CACNA1D: variants seen among roughly 807,000 people sequenced by gnomAD.
The protein encoded by CACNA1D is voltage-dependent L-type calcium channel subunit alpha-1D.
A neutral mutation model predicts 257.1 loss-of-function variants in CACNA1D; 55 were observed. The ratio of observed to expected loss-of-function variants is 0.21; its 90% CI spans 0.17 to 0.27. CACNA1D has a LOEUF of 0.27. CACNA1D is among the 10% of genes least tolerant of loss of function. CACNA1D has a pLI of 1.00. For missense variants in CACNA1D, 1,876 were observed against 2,784.0 expected (o/e 0.67, Z 7.34); for synonymous variants, 980 against 1,014.9 (o/e 0.97, Z 0.65).
intron 3 of CACNA1D, among the ~76,000 whole-genome samples, chr3:53,526,963 A>G (rs576032715): frequency 4.6e-5 from 7 of 152,338 alleles, no homozygotes; most frequent in African/African-American, 1.4e-4. Context: ...TCTTTCCTCC[A>G]CTGCCCACCC....
At chr3:53,703,105 G>T (rs750119585) in intron 9 of CACNA1D, among the ~76,000 whole-genome samples, 2 of 152,218 alleles carry the variant, frequency 1.3e-5, no homozygotes, top group African/African-American at 4.8e-5. Flanking sequence ...TTTCTGTGCG[G>T]GCACAGGGGT....
intron 8 of CACNA1D, among the ~76,000 whole-genome samples, chr3:53,684,081 A>G (rs2094454321): frequency 6.6e-6 from 1 of 151,768 alleles, no homozygotes. Context: ...AAGAATATGC[A>G]TTTACTTGTT....
At chr3:53,614,997 A>G (rs2093621685) in intron 3 of CACNA1D, among the ~76,000 whole-genome samples, 1 of 152,248 alleles carries the variant, frequency 6.6e-6, no homozygotes, top group Non-Finnish European at 1.5e-5. Context: ...TCAAAATGGG[A>G]AGGAGAGAGA....
At chr3:53,803,990 G>C (rs1404812281) in intron 44 of CACNA1D, among the ~76,000 whole-genome samples, 3 of 152,162 alleles carry the variant, frequency 2.0e-5, no homozygotes, top group African/African-American at 7.2e-5. Flanking sequence ...CTCATGCACA[G>C]CACCTGCCTC....
In CACNA1D at chr3:53,810,194, G is replaced by A. The variant is rs770332315; in HGVS notation, c.6088G>A (p.Asp2030Asn). The change falls in exon 47 of 48, where the codon GAC (aspartate) becomes AAC (asparagine). Residue 2030 changes from aspartate to asparagine, a missense_variant. Physicochemically the swap from Asp to Asn is conservative, Grantham distance 23. Coordinates refer to ENST00000350061, the MANE Select transcript of CACNA1D (RefSeq NM_001128840.3). ...HRSSWYTDEP[D>N]ISYRTFTPAS... ...CAGCTCCTGGTACACAGACGAGCCC[G>A]ACATCTCCTACCGGACTTTCACACC... 5.6e-6 allele frequency: 9 copies of A among 1,613,856 alleles called. No individual in the cohort carries two copies. Among genetic ancestry groups the A allele is most frequent in the East Asian group, 4.5e-5 (2 of 44,892 alleles).
chr3:53,682,275 C>T (rs2094436502), intron 8 of CACNA1D, among the ~76,000 whole-genome samples: 1 of 144,726 alleles, frequency 6.9e-6, no homozygotes, highest in African/African-American at 2.6e-5. Flanking sequence ...CACCTGTAAT[C>T]CGAGCAATTC....
At chr3:53,775,825 ATCTAAGCTTCAAATTCCT>A in intron 34 of CACNA1D, 43 bp from the exon 35 acceptor site, 1 of 1,530,794 alleles carries the variant, frequency 6.5e-7, no homozygotes, top group Non-Finnish European at 9.0e-7. Flanking sequence ...CTCCCCTAAG[ATCTAAGCTTCAAATTCCT>A]TCTTTCCCCC....
intron 3 of CACNA1D, among the ~76,000 whole-genome samples, chr3:53,569,140 G>C (rs1050273536): frequency 6.6e-6 from 1 of 152,168 alleles, no homozygotes; most frequent in Non-Finnish European, 1.5e-5. Context: ...TGGAGTGCCT[G>C]GAGGAGTCTT....
At position 53,805,002 on chromosome 3, in the gene CACNA1D, AGCAGATACCCAG is replaced by A; in HGVS notation, c.5611_5622del (p.Tyr1871_Arg1874del). On this transcript the variant is annotated inframe_deletion, in exon 45 of 48. Transcript: ENST00000350061. ...CTCCAGGCAAAACTATGGCTACTAC[AGCAGATACCCAG>A]GCAGAAACATCGACTCTGAGAGGCC... is the stretch of plus-strand genomic sequence containing the variant. 6.2e-7 allele frequency: 1 copy of A among 1,614,126 alleles called. No homozygotes were observed. The highest frequency in any genetic ancestry group is 8.5e-7 in the Non-Finnish European group (1 of 1,179,998).
chr3:53,740,522 G>T, intron 21 of CACNA1D, 183 bp downstream of exon 21: 1 of 617,398 alleles, frequency 1.6e-6, no homozygotes, highest in South Asian at 1.7e-5. Flanking sequence ...GCTCCTGCGT[G>T]TGACACACAG....
At chr3:53,785,299 G>A (rs776509911) in intron 39 of CACNA1D, among the ~76,000 whole-genome samples, 20 of 152,050 alleles carry the variant, frequency 1.3e-4, no homozygotes, top group Non-Finnish European at 2.9e-4. Context: ...CTTATACCTG[G>A]GTGGCCCCTA....
intron 8 of CACNA1D, among the ~76,000 whole-genome samples, chr3:53,686,440 T>TTAGCAAATAGAATATTAG (rs2094474080): frequency 1.3e-5 from 2 of 151,976 alleles, no homozygotes; most frequent in African/African-American, 4.8e-5. Flanking sequence ...ACAAAAATTC[T>TTAGCAAATAGAATATTAG]CAAATATTAG....
At chr3:53,589,883 T>C (rs1463258231) in intron 3 of CACNA1D, among the ~76,000 whole-genome samples, 1 of 152,208 alleles carries the variant, frequency 6.6e-6, no homozygotes, top group Non-Finnish European at 1.5e-5. Context: ...CTGGGCCTCA[T>C]GGTTTGGGTG....
chr3:53,732,718 T>C (rs1219888832), intron 18 of CACNA1D, 97 bp from the exon 19 acceptor site: 1 of 1,163,294 alleles, frequency 8.6e-7, no homozygotes, highest in Non-Finnish European at 1.3e-6. Context: ...GTAGATGTTG[T>C]TAAAGTTTAA....
At chr3:53,665,011 A>T (rs72967859) in intron 5 of CACNA1D, among the ~76,000 whole-genome samples, 3,646 of 152,260 alleles carry the variant, frequency 0.024, 127 homozygotes, top group East Asian at 0.084. Flanking sequence ...AACCTCAATG[A>T]GCACGGTGCC....
intron 19 of CACNA1D, among the ~76,000 whole-genome samples, chr3:53,734,193 G>A (rs998773294): frequency 7.9e-5 from 12 of 151,306 alleles, no homozygotes; most frequent in Admixed American, 2.0e-4. Context: ...CCAAAAGGGA[G>A]GACTTGAAGT....
At chr3:53,538,714 C>T (rs977082174) in intron 3 of CACNA1D, among the ~76,000 whole-genome samples, 2 of 152,146 alleles carry the variant, frequency 1.3e-5, no homozygotes, top group African/African-American at 4.8e-5. Context: ...ATTCATCTTA[C>T]ACATTTCTTG....
At chr3:53,737,324 T>A (rs981428400) in intron 20 of CACNA1D, among the ~76,000 whole-genome samples, 22 of 152,318 alleles carry the variant, frequency 1.4e-4, no homozygotes, top group African/African-American at 5.1e-4. Flanking sequence ...TTGTGCAGAT[T>A]TTTTTCTTGT....
chr3:53,642,659 A>G (rs915756552), intron 3 of CACNA1D, among the ~76,000 whole-genome samples: 2 of 152,242 alleles, frequency 1.3e-5, no homozygotes, highest in African/African-American at 2.4e-5. Flanking sequence ...CTTCCCACAG[A>G]CCGCATGTCC....
Sources: gnomAD v4.1 joint callset for allele counts (sites outside exome capture counted in the v4.1 genomes callset) on GRCh38, gnomAD v4.1.1 for gene constraint, MANE v1.5 for transcripts, NCBI Gene and HGNC (gene_info 2026-07-23, HGNC 2026-07-21) for gene names.